The following EFR3B variants were observed in gnomAD, a reference collection of about 807,000 sequenced individuals.
EFR3B encodes the protein protein EFR3 homolog B.
EFR3B carries 64 observed loss-of-function variants against 104.7 expected under a neutral mutation model. The ratio of observed to expected loss-of-function variants is 0.61; its 90% confidence interval spans 0.50 to 0.75. The LOEUF is 0.75. EFR3B is among the 30% of genes least tolerant of loss of function. The pLI is 0.00. For missense variants in EFR3B, 750 were observed against 1,078.5 expected (o/e 0.70, Z 4.27); for synonymous variants, 385 against 417.9 (o/e 0.92, Z 0.96).
chr2:25,088,738 A>G (rs1669028698), intron 1 of EFR3B, among the ~76,000 whole-genome samples: 1 of 152,130 alleles, frequency 6.6e-6, no homozygotes, highest in African/African-American at 2.4e-5. Context: ...ACTTGTTCCA[A>G]GTCACAGTTT....
chr2:25,154,512 T>C lies in EFR3B; in HGVS notation c.*172T>C, dbSNP rs2149216124. ...ACTCTCTGGTCCTTCTTGGCCCTCC[T>C]ACCTCCTCCTCGTCTTCCCTGAGGG... On this transcript the variant is annotated 3_prime_UTR_variant, in exon 23 of 23. Coordinates refer to ENST00000403714, the MANE Select transcript of EFR3B (RefSeq NM_014971.2). This position sits in a 1 kb window ranked among gnomAD's most constrained non-coding sequence, Gnocchi z 4.1. 4 of 594,832 alleles carry C rather than the reference T, an allele frequency of 6.7e-6. No homozygotes were observed. The Middle Eastern group carries it at 1.4e-3, about 203-fold the overall frequency. The allele number at this position is 594,832 out of a possible 1,614,324, so 36.8% of individuals were successfully genotyped here. A position where few individuals can be genotyped will look rare whatever the true frequency, so the allele number is the denominator to read the frequency against.
At chr2:25,135,132 T>C (rs1424554336) in intron 12 of EFR3B, among the ~76,000 whole-genome samples, 1 of 152,190 alleles carries the variant, frequency 6.6e-6, no homozygotes, top group Non-Finnish European at 1.5e-5. Flanking sequence ...TGGTGGCTGT[T>C]CATCAGTTGT....
At chr2:25,152,863 T>C (rs1026444111) in intron 21 of EFR3B, among the ~76,000 whole-genome samples, 2 of 151,910 alleles carry the variant, frequency 1.3e-5, no homozygotes, top group Admixed American at 1.3e-4. Flanking sequence ...ACATATAGAT[T>C]TTCCTGGGCC....
chr2:25,125,707 G>C (rs1366261256), intron 5 of EFR3B, among the ~76,000 whole-genome samples: 2 of 152,312 alleles, frequency 1.3e-5, no homozygotes, highest in Admixed American at 6.5e-5. Flanking sequence ...CCAGCACTTT[G>C]GGAGGCCAAG....
chr2:25,075,769 A>C (rs1026710165), intron 1 of EFR3B, among the ~76,000 whole-genome samples: 2 of 152,218 alleles, frequency 1.3e-5, no homozygotes, highest in African/African-American at 4.8e-5. Context: ...TCAACCTCAT[A>C]GGGTTTTTGT....
intron 1 of EFR3B, among the ~76,000 whole-genome samples, chr2:25,053,658 A>G (rs945937460): frequency 2.0e-5 from 3 of 152,148 alleles, no homozygotes; most frequent in African/African-American, 7.2e-5. Context: ...CAATCCAAGC[A>G]CTTTGGGAGG....
intron 6 of EFR3B, among the ~76,000 whole-genome samples, chr2:25,129,015 G>GCT (rs1466168257): frequency 3.0e-5 from 4 of 134,602 alleles, no homozygotes; most frequent in Non-Finnish European, 6.2e-5. Context: ...GCCTTTCATG[G>GCT]CTCCGATCAC....
chr2:25,058,895 A>G (rs1475935192), intron 1 of EFR3B, among the ~76,000 whole-genome samples: 2 of 152,056 alleles, frequency 1.3e-5, no homozygotes, highest in Non-Finnish European at 2.9e-5. Context: ...GTGACTCCTC[A>G]GAGAGGGAAA....
chr2:25,130,730 T>TC lies in EFR3B; in HGVS notation c.849+102dup. 3 of 1,123,518 alleles carry TC rather than the reference T, an allele frequency of 2.7e-6. No homozygotes were observed. Among genetic ancestry groups the TC allele is most frequent in the Non-Finnish European group, 2.6e-6 (2 of 763,888 alleles). The allele number at this position is 1,123,518 out of a possible 1,614,324, so 69.6% of individuals were successfully genotyped here. ...AAAGCCAGAAGTCCCCTGTGACTCC[T>TC]CCGAAGCCCCCAGTTGCCGAAACCA... is the stretch of plus-strand genomic sequence containing the variant. On this transcript the variant is annotated intron_variant, in intron 8 of 22. Transcript: ENST00000403714. The surrounding 1 kb of genome is among the most constrained non-coding windows in gnomAD (Gnocchi z 4.6).
At chr2:25,093,163 T>C in intron 3 of EFR3B, 33 bp downstream of exon 3, 1 of 1,549,946 alleles carries the variant, frequency 6.5e-7, no homozygotes, top group Non-Finnish European at 8.7e-7. Context: ...AGAGAGATTG[T>C]CAGGAACTAT....
Position 25,136,727 on chromosome 2 carries a change from C to A in EFR3B, c.1560+129C>A. The A allele has an allele frequency of 1.4e-6, 1 of 717,930 alleles. No homozygotes were observed. The highest frequency in any genetic ancestry group is 2.3e-6 in the Non-Finnish European group (1 of 431,182). The allele number at this position is 717,930 out of a possible 1,614,324, so 44.5% of individuals were successfully genotyped here. On this transcript the variant is annotated intron_variant, in intron 14 of 22. Coordinates refer to ENST00000403714, the MANE Select transcript of EFR3B (RefSeq NM_014971.2). This position sits in a 1 kb window ranked among gnomAD's most constrained non-coding sequence, Gnocchi z 4.0. ...GGTGGGGAGCTCGAGACCAGCCAGA[C>A]CAACATGGTAAAATCCCATCTTTAC...
chr2:25,126,434 A>C (rs1318171355), intron 5 of EFR3B, among the ~76,000 whole-genome samples: 1 of 150,664 alleles, frequency 6.6e-6, no homozygotes, highest in African/African-American at 2.5e-5. Context: ...ATCTCCGCTT[A>C]CTGTAACCTC....
rs912562154 is a variant in EFR3B, at chr2:25,131,310, C to T, written c.850-58C>T. 8 of 1,531,956 alleles carry T rather than the reference C, an allele frequency of 5.2e-6. No homozygotes were observed. The highest frequency in any genetic ancestry group is 2.8e-5 in the African/African-American group (2 of 72,562). 94.9% of individuals were successfully genotyped at this position (1,531,956 alleles called of 1,614,324 possible). On this transcript the variant is annotated intron_variant, in intron 8 of 22. Transcript: ENST00000403714. This position sits in a 1 kb window ranked among gnomAD's most constrained non-coding sequence, Gnocchi z 7.6. ...GCCTTTGGGTGCCAGGAGAGGGCTG[C>T]GCAGCCCAGGGACCCCGTGGGGTTG...
intron 4 of EFR3B, among the ~76,000 whole-genome samples, chr2:25,106,311 G>C (rs1355929568): frequency 6.6e-6 from 1 of 151,656 alleles, no homozygotes; most frequent in African/African-American, 2.4e-5. Flanking sequence ...TTTTTTTGAG[G>C]CAGAGCCTCG....
In EFR3B at chr2:25,153,889, T is replaced by G. The variant is rs906642466; in HGVS notation, c.2348+128T>G. ...CCTCCTTCTACCACTGTAATCTCTATCCCCTGGGCTGGAGTCAGCCACCAA... is the reference window on the plus strand; with the variant it reads ...CCTCCTTCTACCACTGTAATCTCTAGCCCCTGGGCTGGAGTCAGCCACCAA... On this transcript the variant is annotated intron_variant, in intron 22 of 22. Coordinates refer to ENST00000403714, the MANE Select transcript of EFR3B (RefSeq NM_014971.2). 9.9e-5 allele frequency: 101 copies of G among 1,015,772 alleles called. No homozygotes were observed. In the East Asian group the frequency reaches 2.1e-3, roughly 21 times the overall value. 62.9% of individuals were successfully genotyped at this position (1,015,772 alleles called of 1,614,324 possible). A position where few individuals can be genotyped will look rare whatever the true frequency, so the allele number is the denominator to read the frequency against.
rs1668766886 is a variant in EFR3B, at chr2:25,080,363, C to T, written c.8-10962C>T. ...AGGCTGGAGTGCAGTGGCACCATCT[C>T]GGCTCACTGCAACCTCCGCCTCCCA... On this transcript the variant is annotated intron_variant, in intron 1 of 22. Transcript: ENST00000403714. 2.4e-5 allele frequency: 13 copies of T among 542,214 alleles called. No homozygotes were observed. In the East Asian group the frequency reaches 3.0e-4, roughly 13 times the overall value. 33.6% of individuals were successfully genotyped at this position (542,214 alleles called of 1,614,324 possible).
chr2:25,059,687 T>C (rs1044528939), intron 1 of EFR3B, among the ~76,000 whole-genome samples: 3 of 150,558 alleles, frequency 2.0e-5, no homozygotes, highest in Non-Finnish European at 4.4e-5. Flanking sequence ...ACAGTGTGAA[T>C]GGACTTCATG....
chr2:25,157,039 T>C lies in EFR3B; in HGVS notation c.*2699T>C, dbSNP rs6734859. 0.91 allele frequency: 138,892 copies of C among 152,292 alleles called. 63,560 individuals carry two copies. Among genetic ancestry groups the C allele is most frequent in the East Asian group, 1 (5,165 of 5,170 alleles). 9.4% of individuals were successfully genotyped at this position (152,292 alleles called of 1,614,324 possible). A position where few individuals can be genotyped will look rare whatever the true frequency, so the allele number is the denominator to read the frequency against. ...CCAGAGCCAGCATTAGAACCTGAGATCCCCAGATGTTTCTGCCCCTCATCC... is the reference window on the plus strand; with the variant it reads ...CCAGAGCCAGCATTAGAACCTGAGACCCCCAGATGTTTCTGCCCCTCATCC... On this transcript the variant is annotated 3_prime_UTR_variant, in exon 23 of 23. Transcript: ENST00000403714.
intron 1 of EFR3B, among the ~76,000 whole-genome samples, chr2:25,075,660 GGT>G (rs1668612137): frequency 1.3e-5 from 2 of 152,074 alleles, no homozygotes; most frequent in Admixed American, 1.3e-4. Flanking sequence ...AACAATATAA[GGT>G]ATTTGCAGGC....
Sources: gnomAD v4.1 joint callset for allele counts (sites outside exome capture counted in the v4.1 genomes callset) on GRCh38, gnomAD v4.1.1 for gene constraint, Gnocchi (gnomAD v3.1) non-coding constraint, MANE v1.5 for transcripts, NCBI Gene and HGNC (gene_info 2026-07-23, HGNC 2026-07-21) for gene names.